Variants in CAMKMT observed in about 807,000 individuals in gnomAD.
CAMKMT encodes calmodulin-lysine N-methyltransferase.
CAMKMT carries 53 observed loss-of-function variants against 48.0 expected under a neutral mutation model. The ratio of observed to expected loss-of-function variants is 1.10; its 90% CI spans 0.89 to 1.39. The LOEUF (loss-of-function observed/expected upper bound fraction) is 1.39. Ranked by LOEUF, CAMKMT falls within the 40% of genes most tolerant of loss-of-function variation. The pLI is 0.00. For synonymous variants in CAMKMT, 165 were observed against 152.3 expected, an observed-to-expected ratio of 1.08 and a Z score of -0.61; for missense variants, 428 against 402.7, an observed-to-expected ratio of 1.06 and a Z score of -0.54.
chr2:44,632,803 T>TGGC (rs1672910996), intron 3 of CAMKMT, among the ~76,000 whole-genome samples: 1 of 152,178 alleles, frequency 6.6e-6, no homozygotes, highest in African/African-American at 2.4e-5. Context: ...AAGACTAGAC[T>TGGC]GGCCTAGCCT....
intron 3 of CAMKMT, among the ~76,000 whole-genome samples, chr2:44,643,306 A>T (rs1673549094): frequency 6.6e-6 from 1 of 152,238 alleles, no homozygotes; most frequent in Admixed American, 6.5e-5. Context: ...ACTCAAATTA[A>T]TTTATTGAAA....
chr2:44,410,192 C>T (rs962826722), intron 3 of CAMKMT, among the ~76,000 whole-genome samples: 13 of 112,862 alleles, frequency 1.2e-4, no homozygotes, highest in African/African-American at 2.6e-4. Context: ...AGTAGTAATA[C>T]GTGTATCCTG....
At chr2:44,530,869 A>G (rs1188977562) in intron 3 of CAMKMT, among the ~76,000 whole-genome samples, 2 of 152,018 alleles carry the variant, frequency 1.3e-5, no homozygotes, top group South Asian at 2.1e-4. Context: ...AAATTTCATA[A>G]TATTTTTAAA....
At chr2:44,765,653 C>G (rs1680811864) in intron 9 of CAMKMT, among the ~76,000 whole-genome samples, 1 of 152,046 alleles carries the variant, frequency 6.6e-6, no homozygotes, top group Non-Finnish European at 1.5e-5. Flanking sequence ...AGATGGTCTT[C>G]TGAAATCCAG....
intron 3 of CAMKMT, among the ~76,000 whole-genome samples, chr2:44,584,699 GTTCC>G (rs1232845064): frequency 6.6e-6 from 1 of 152,180 alleles, no homozygotes; most frequent in Non-Finnish European, 1.5e-5. Flanking sequence ...GCAAGATGGA[GTTCC>G]TTCCTTGGAG....
chr2:44,595,433 G>T (rs1670594424), intron 3 of CAMKMT, among the ~76,000 whole-genome samples: 1 of 152,064 alleles, frequency 6.6e-6, no homozygotes, highest in African/African-American at 2.4e-5. Context: ...AAATACCTAG[G>T]AATACAACTT....
chr2:44,564,694 C>G (rs4953106), intron 3 of CAMKMT, among the ~76,000 whole-genome samples: 90,446 of 151,898 alleles, frequency 0.6, 27,764 homozygotes, highest in Admixed American at 0.68. Flanking sequence ...GCATGTGCCA[C>G]CATGCCCAGC....
At chr2:44,403,851 T>C (rs141428301) in intron 3 of CAMKMT, among the ~76,000 whole-genome samples, 18 of 152,324 alleles carry the variant, frequency 1.2e-4, no homozygotes, top group African/African-American at 4.3e-4. Flanking sequence ...CCAGTTTACA[T>C]GTATTGAGAT....
Position 44,753,449 on chromosome 2 carries a change from A to C in CAMKMT, c.699-606A>C, listed in dbSNP as rs544011070. Among the ~76,000 whole-genome samples, 51 of 152,082 alleles carry C rather than the reference A, an allele frequency of 3.4e-4. 1 individual carries two copies. The highest frequency in any genetic ancestry group is 3.4e-3 in the Middle Eastern group (1 of 294). ...AAAGAAAACAAAGAAAAGAAAAAAAACAAAAAATCAATGTAGAGGCCCAGA... is the reference window on the plus strand; with the variant it reads ...AAAGAAAACAAAGAAAAGAAAAAAACCAAAAAATCAATGTAGAGGCCCAGA... On this transcript the variant is annotated intron_variant, in intron 8 of 10. Coordinates refer to ENST00000378494, the MANE Select transcript of CAMKMT (RefSeq NM_024766.5).
At chr2:44,478,056 A>AGC (rs1668779148) in intron 3 of CAMKMT, among the ~76,000 whole-genome samples, 1 of 152,214 alleles carries the variant, frequency 6.6e-6, no homozygotes, top group South Asian at 2.1e-4. Context: ...TAAAATTAAA[A>AGC]GCAATGTATA....
At chr2:44,521,109 C>T (rs1276173289) in intron 3 of CAMKMT, among the ~76,000 whole-genome samples, 1 of 152,192 alleles carries the variant, frequency 6.6e-6, no homozygotes, top group Non-Finnish European at 1.5e-5. Flanking sequence ...CCTATCTCCA[C>T]AAGGTTGATA....
chr2:44,683,243 A>G (rs1676124183), intron 3 of CAMKMT, among the ~76,000 whole-genome samples: 4 of 152,152 alleles, frequency 2.6e-5, no homozygotes, highest in Admixed American at 2.6e-4. Context: ...ATTGCTAAGC[A>G]TCTGTGAATA....
At chr2:44,635,542 T>G (rs2103983338) in intron 3 of CAMKMT, among the ~76,000 whole-genome samples, 1 of 152,334 alleles carries the variant, frequency 6.6e-6, no homozygotes, top group South Asian at 2.1e-4. Context: ...CTTGCATATC[T>G]TGGGTTCACG....
chr2:44,434,023 A>G (rs1039696957), intron 3 of CAMKMT, among the ~76,000 whole-genome samples: 1 of 152,194 alleles, frequency 6.6e-6, no homozygotes, highest in Non-Finnish European at 1.5e-5. Context: ...ATGTATCATC[A>G]ACATTCCAGG....
chr2:44,722,737 T>C (rs1445329690), intron 7 of CAMKMT, among the ~76,000 whole-genome samples: 1 of 152,242 alleles, frequency 6.6e-6, no homozygotes, highest in Non-Finnish European at 1.5e-5. Context: ...TCTGAGATGG[T>C]ATATAATTGT....
rs1015673138 is a variant in CAMKMT, at chr2:44,618,189, G to T, written c.377-86094G>T. ...AAGTGCAAGCAGGCAAGCTGTTATTGATCAAAGAGGTTTTGTTGGGTAGCT... is the reference window on the plus strand; with the variant it reads ...AAGTGCAAGCAGGCAAGCTGTTATTTATCAAAGAGGTTTTGTTGGGTAGCT... On this transcript the variant is annotated intron_variant, in intron 3 of 10. Transcript: ENST00000378494. The surrounding 1 kb of genome is among the most constrained non-coding windows in gnomAD (Gnocchi z 4.0). Among the ~76,000 whole-genome samples the T allele has an allele frequency of 2.6e-5, 4 of 152,214 alleles. No individual in the cohort carries two copies. Among genetic ancestry groups the T allele is most frequent in the African/African-American group, 9.6e-5 (4 of 41,452 alleles).
intron 10 of CAMKMT, 68 bp downstream of exon 10, chr2:44,766,629 T>A: frequency 1.3e-6 from 2 of 1,559,660 alleles, no homozygotes; most frequent in Non-Finnish European, 1.7e-6. Context: ...CATGGTCTTT[T>A]TGGCAGGTAA....
intron 3 of CAMKMT, among the ~76,000 whole-genome samples, chr2:44,546,571 A>G (rs902184190): frequency 5.9e-5 from 9 of 152,216 alleles, no homozygotes; most frequent in African/African-American, 2.2e-4. Flanking sequence ...TGTGTTTGAC[A>G]ACACTCATAA....
intron 2 of CAMKMT, among the ~76,000 whole-genome samples, chr2:44,383,648 A>G (rs1450035284): frequency 6.6e-6 from 1 of 152,110 alleles, no homozygotes; most frequent in Non-Finnish European, 1.5e-5. Context: ...CTTCCCCGCA[A>G]GTCCCCAAAG....
Sources: gnomAD v4.1 joint callset for allele counts (sites outside exome capture counted in the v4.1 genomes callset) on GRCh38, gnomAD v4.1.1 for gene constraint, Gnocchi (gnomAD v3.1) non-coding constraint, MANE v1.5 for transcripts, NCBI Gene and HGNC (gene_info 2026-07-23, HGNC 2026-07-21) for gene names.